The following PCDH15 variants were observed in gnomAD, a reference collection of about 807,000 sequenced individuals.
PCDH15 encodes the protein protocadherin-15.
A neutral mutation model predicts 178.5 loss-of-function variants in PCDH15; 129 were observed. The ratio of observed to expected loss-of-function variants is 0.72; its 90% confidence interval spans 0.63 to 0.84. The LOEUF (loss-of-function observed/expected upper bound fraction) is 0.84. Among genes scored for constraint, PCDH15 ranks in the 40% least tolerant of loss-of-function variants. The probability of loss-of-function intolerance (pLI) is 0.00; values close to 1 mark genes in which losing one functional copy is unlikely to be tolerated. For missense variants in PCDH15, 2,230 were observed against 2,099.9 expected, an observed-to-expected ratio of 1.06 and a Z score of -1.21; for synonymous variants, 800 against 732.0, an observed-to-expected ratio of 1.09 and a Z score of -1.50.
chr10:54,541,159 A>G (rs925676737), intron 2 of PCDH15, among the ~76,000 whole-genome samples: 3 of 152,094 alleles, frequency 2.0e-5, no homozygotes, highest in Non-Finnish European at 4.4e-5. Flanking sequence ...TAGAAGTCCT[A>G]ACTACAGCAT....
At chr10:54,881,310 T>A (rs1954258706) in intron 3 of PCDH15, among the ~76,000 whole-genome samples, 7 of 152,122 alleles carry the variant, frequency 4.6e-5, no homozygotes. Flanking sequence ...TGTAAGGAAA[T>A]GCTTTTGCCT....
At chr10:54,619,070 TCAAA>T (rs2093276316) in intron 2 of PCDH15, 1 of 152,040 alleles carries the variant, frequency 6.6e-6, no homozygotes, top group African/African-American at 2.4e-5. Context: ...GAAAGGAAAG[TCAAA>T]CACTGATCTT....
chr10:54,190,369 G>C (rs2048879644), intron 11 of PCDH15, among the ~76,000 whole-genome samples: 1 of 152,120 alleles, frequency 6.6e-6, no homozygotes, highest in Admixed American at 6.5e-5. Context: ...CTATAATGAT[G>C]ATTGTCACTA....
intron 1 of PCDH15, among the ~76,000 whole-genome samples, chr10:55,307,386 C>G (rs1843455295): frequency 6.6e-6 from 1 of 151,690 alleles, no homozygotes. Context: ...GCCTGTAATC[C>G]CAGCTACTCG....
intron 16 of PCDH15, among the ~76,000 whole-genome samples, chr10:54,083,741 C>T (rs117147003): frequency 0.023 from 3,466 of 152,226 alleles, 53 homozygotes; most frequent in East Asian, 0.043. Context: ...TCCTAAACAA[C>T]ACTGAATTGT....
chr10:55,428,466 T>A (rs1838808986), intron 2 of PCDH15, among the ~76,000 whole-genome samples: 1 of 151,880 alleles, frequency 6.6e-6, no homozygotes, highest in African/African-American at 2.4e-5. Flanking sequence ...TTTTTGCTCT[T>A]AAATTGACTA....
chr10:55,553,768 T>C (rs1187393343), intron 2 of PCDH15, among the ~76,000 whole-genome samples: 1 of 151,892 alleles, frequency 6.6e-6, no homozygotes, highest in Non-Finnish European at 1.5e-5. Context: ...GATGAGTATG[T>C]AGTTGAGAGT....
At chr10:54,495,347 T>C (rs1262032859) in intron 3 of PCDH15, among the ~76,000 whole-genome samples, 5 of 152,170 alleles carry the variant, frequency 3.3e-5, no homozygotes, top group Admixed American at 3.3e-4. Flanking sequence ...TAAATCCCTG[T>C]TGTGTAATTT....
chr10:54,037,937 C>T (rs890276955), intron 18 of PCDH15, among the ~76,000 whole-genome samples: 12 of 152,024 alleles, frequency 7.9e-5, no homozygotes, highest in South Asian at 4.1e-4. Context: ...AGACTGATTG[C>T]TTTTGACAGA....
chr10:54,390,612 T>C (rs1298795873), intron 3 of PCDH15, among the ~76,000 whole-genome samples: 1 of 152,146 alleles, frequency 6.6e-6, no homozygotes, highest in African/African-American at 2.4e-5. Flanking sequence ...ACCTGTTTTG[T>C]AGTATAGGCT....
intron 17 of PCDH15, among the ~76,000 whole-genome samples, chr10:54,077,259 C>G (rs1428912901): frequency 6.6e-6 from 1 of 151,964 alleles, no homozygotes; most frequent in African/African-American, 2.4e-5. Context: ...AAACGAGGAC[C>G]TAGAAATGCT....
intron 8 of PCDH15, among the ~76,000 whole-genome samples, chr10:54,314,053 A>C (rs2061073557): frequency 6.6e-6 from 1 of 151,618 alleles, no homozygotes; most frequent in South Asian, 2.1e-4. Context: ...GAATCTATTA[A>C]CTCGGAAACA....
chr10:54,196,616 C>T (rs11004129), intron 10 of PCDH15, among the ~76,000 whole-genome samples: 34,666 of 152,088 alleles, frequency 0.23, 5,855 homozygotes, highest in African/African-American at 0.48. Context: ...TCTGTGTCTT[C>T]TCATTTTACA....
intron 2 of PCDH15, among the ~76,000 whole-genome samples, chr10:55,572,451 TATTA>T (rs993291668): frequency 1.3e-5 from 2 of 151,150 alleles, no homozygotes; most frequent in Non-Finnish European, 2.9e-5. Context: ...AATTTTTAAA[TATTA>T]ATTATTAAAA....
chr10:55,301,591 T>G (rs529120085), intron 1 of PCDH15, among the ~76,000 whole-genome samples: 1 of 152,238 alleles, frequency 6.6e-6, no homozygotes, highest in South Asian at 2.1e-4. Flanking sequence ...GCAAAACTTT[T>G]AATCTTGATG....
intron 3 of PCDH15, among the ~76,000 whole-genome samples, chr10:54,853,283 ATGTG>A (rs770984436): frequency 1.3e-5 from 1 of 75,092 alleles, no homozygotes; most frequent in African/African-American, 4.2e-5. Context: ...ATGTGTATGT[ATGTG>A]TGTATATATA....
intron 2 of PCDH15, among the ~76,000 whole-genome samples, chr10:55,155,515 A>T (rs2680323): frequency 7.0e-6 from 1 of 143,508 alleles, no homozygotes; most frequent in Non-Finnish European, 1.5e-5. Flanking sequence ...CAATAATAAT[A>T]AATTATAAAT....
At chr10:55,244,874 T>G (rs535845003) in intron 1 of PCDH15, among the ~76,000 whole-genome samples, 1 of 151,950 alleles carries the variant, frequency 6.6e-6, no homozygotes, top group African/African-American at 2.4e-5. Context: ...ATCGAAGATA[T>G]GGTAAGTCTA....
intron 2 of PCDH15, among the ~76,000 whole-genome samples, chr10:54,611,334 TAA>T (rs1282604072): frequency 2.6e-5 from 4 of 151,832 alleles, no homozygotes; most frequent in Non-Finnish European, 5.9e-5. Context: ...TTAGAATAAT[TAA>T]AACAGAAATG....
Sources: gnomAD v4.1 joint callset for allele counts (sites outside exome capture counted in the v4.1 genomes callset) on GRCh38, gnomAD v4.1.1 for gene constraint, MANE v1.5 for transcripts, NCBI Gene and HGNC (gene_info 2026-07-23, HGNC 2026-07-21) for gene names.